CFAP95: variants seen among roughly 807,000 people sequenced by gnomAD.
CFAP95 encodes the protein cilia and flagella associated protein 95, also known as cilia- and flagella-associated protein 95.
At chr9:69,893,715 C>T in the CFAP95 span, among the ~76,000 whole-genome samples, 1 of 152,062 alleles carries the variant, frequency 6.6e-6, no homozygotes, top group Non-Finnish European at 1.5e-5. Context: ...GTGGTTTTTC[C>T]AAACTTGTAC....
the CFAP95 span, among the ~76,000 whole-genome samples, chr9:69,892,842 A>G: frequency 6.6e-6 from 1 of 152,194 alleles, no homozygotes; most frequent in Non-Finnish European, 1.5e-5. Flanking sequence ...GGGACAGCCG[A>G]ACTCCAGGGG....
At chr9:69,890,091 T>G in the CFAP95 span, among the ~76,000 whole-genome samples, 1 of 152,148 alleles carries the variant, frequency 6.6e-6, no homozygotes, top group Non-Finnish European at 1.5e-5. Flanking sequence ...AAACATATCA[T>G]TTTAAAATGC....
At chr9:69,890,661 A>G in the CFAP95 span, among the ~76,000 whole-genome samples, 1 of 152,240 alleles carries the variant, frequency 6.6e-6, no homozygotes, top group African/African-American at 2.4e-5. Context: ...ACAGTTCACC[A>G]TTCATTCGGT....
the CFAP95 span, among the ~76,000 whole-genome samples, chr9:69,883,211 GA>G: frequency 6.6e-6 from 1 of 152,292 alleles, no homozygotes; most frequent in South Asian, 2.1e-4. Flanking sequence ...ATAAACCTGA[GA>G]GGGGCTTCTG....
the CFAP95 span, among the ~76,000 whole-genome samples, chr9:69,880,318 C>A: frequency 6.6e-6 from 1 of 152,268 alleles, no homozygotes; most frequent in South Asian, 2.1e-4. Context: ...CTATCCTTCC[C>A]ATCCTCTGGT....
the CFAP95 span, among the ~76,000 whole-genome samples, chr9:69,830,194 G>C: frequency 6.6e-6 from 1 of 152,128 alleles, no homozygotes; most frequent in African/African-American, 2.4e-5. Context: ...AGAAAGTTTG[G>C]CTTTAAGGTA....
the CFAP95 span, among the ~76,000 whole-genome samples, chr9:69,875,017 C>A: frequency 6.6e-6 from 1 of 152,162 alleles, no homozygotes; most frequent in African/African-American, 2.4e-5. Context: ...GTTTTTCTGA[C>A]CTCTTGCTTC....
At chr9:69,846,295 G>A in the CFAP95 span, among the ~76,000 whole-genome samples, 4 of 152,126 alleles carry the variant, frequency 2.6e-5, no homozygotes, top group East Asian at 1.9e-4. Context: ...TATTATATGC[G>A]TTACAGTGGT....
the CFAP95 span, among the ~76,000 whole-genome samples, chr9:69,905,427 A>G: frequency 6.6e-6 from 1 of 152,204 alleles, no homozygotes; most frequent in Non-Finnish European, 1.5e-5. Flanking sequence ...GCTTTTCTGA[A>G]GTGGCCTAAG....
chr9:69,887,834 G>A, the CFAP95 span, among the ~76,000 whole-genome samples: 4 of 152,186 alleles, frequency 2.6e-5, no homozygotes, highest in Non-Finnish European at 4.4e-5. Context: ...GAGAATCCAG[G>A]CTACTCTGTT....
At chr9:69,886,848 A>G in the CFAP95 span, 17 of 1,612,998 alleles carry the variant, frequency 1.1e-5, no homozygotes, top group Admixed American at 5.0e-5. Context: ...GTGTGCATTG[A>G]CAACGTACTC....
At chr9:69,833,592 C>T in the CFAP95 span, among the ~76,000 whole-genome samples, 43,106 of 152,004 alleles carry the variant, frequency 0.28, 6,708 homozygotes, top group South Asian at 0.36. Context: ...ACTTGGTTTG[C>T]ACTCCAAGAG....
chr9:69,828,542 G>T, the CFAP95 span, among the ~76,000 whole-genome samples: 2 of 152,140 alleles, frequency 1.3e-5, no homozygotes, highest in Admixed American at 1.3e-4. Context: ...AATTAGCCGG[G>T]TGTGGTGGCA....
the CFAP95 span, among the ~76,000 whole-genome samples, chr9:69,837,439 G>A: frequency 6.6e-6 from 1 of 152,016 alleles, no homozygotes; most frequent in Admixed American, 6.5e-5. Flanking sequence ...GGTGTGAGAT[G>A]GTATCTCATT....
chr9:69,859,382 T>C, the CFAP95 span, among the ~76,000 whole-genome samples: 1 of 152,188 alleles, frequency 6.6e-6, no homozygotes. Flanking sequence ...TCTTCTCTTT[T>C]CTATCTGAAG....
the CFAP95 span, among the ~76,000 whole-genome samples, chr9:69,888,158 T>A: frequency 6.6e-6 from 1 of 152,186 alleles, no homozygotes; most frequent in Non-Finnish European, 1.5e-5. Context: ...TCTATGAGAA[T>A]TTTAAGATTC....
the CFAP95 span, among the ~76,000 whole-genome samples, chr9:69,849,752 T>C: frequency 2.6e-5 from 4 of 152,162 alleles, no homozygotes; most frequent in African/African-American, 9.7e-5. Flanking sequence ...TGATTTCCTA[T>C]TTCAATGGTC....
At chr9:69,886,675 C>G in the CFAP95 span, among the ~76,000 whole-genome samples, 25 of 152,066 alleles carry the variant, frequency 1.6e-4, no homozygotes, top group Non-Finnish European at 3.5e-4. Flanking sequence ...TGCTGGTGGG[C>G]AATACTATAT....
the CFAP95 span, among the ~76,000 whole-genome samples, chr9:69,897,060 T>C: frequency 3.3e-5 from 5 of 152,242 alleles, no homozygotes; most frequent in Non-Finnish European, 7.3e-5. Context: ...GCATGTGTGC[T>C]TAACTACCTT....
Sources: gnomAD v4.1 joint callset for allele counts (sites outside exome capture counted in the v4.1 genomes callset) on GRCh38, gnomAD v4.1.1 for gene constraint, MANE v1.5 for transcripts, NCBI Gene and HGNC (gene_info 2026-07-23, HGNC 2026-07-21) for gene names.